CNTNAP2: variants seen among roughly 807,000 people sequenced by gnomAD.
CNTNAP2 encodes contactin associated protein 2.
A neutral mutation model predicts 155.2 loss-of-function variants in CNTNAP2; 98 were observed. That is an observed-to-expected ratio of 0.63 (90% CI 0.54 to 0.75). CNTNAP2 has a LOEUF of 0.75. CNTNAP2 is among the 30% of genes least tolerant of loss of function. The probability of loss-of-function intolerance (pLI) is 0.00; values close to 1 mark genes in which losing one functional copy is unlikely to be tolerated. For synonymous variants in CNTNAP2, 651 were observed against 631.2 expected (o/e 1.03, Z -0.47); for missense variants, 1,727 against 1,688.1 (o/e 1.02, Z -0.40).
chr7:147,896,704 TAGG>T (rs762524966), intron 13 of CNTNAP2, among the ~76,000 whole-genome samples: 3 of 152,160 alleles, frequency 2.0e-5, no homozygotes, highest in Admixed American at 1.3e-4. Flanking sequence ...GCACTGATTT[TAGG>T]AGAAGTTTAG....
intron 10 of CNTNAP2, among the ~76,000 whole-genome samples, chr7:147,450,498 C>A (rs1260768783): frequency 6.6e-6 from 1 of 152,210 alleles, no homozygotes; most frequent in East Asian, 1.9e-4. Context: ...CTCACATGGA[C>A]TCCTGACCTA....
rs557230064 is a variant in CNTNAP2 at position 146,555,762 on chromosome 7, G to A, written c.98-218509G>A. Among the ~76,000 whole-genome samples the A allele has an allele frequency of 9.2e-5, 14 of 152,302 alleles. No individual in the cohort carries two copies. The South Asian group carries it at 2.7e-3, about 29-fold the overall frequency. On this transcript the variant is annotated intron_variant, in intron 1 of 23. Transcript: ENST00000361727. Reference sequence around the variant, plus strand: ...GTTGATTGTGTGGTAGAAAAACAGAGCCTTTGGCATCAGAAGGACTGAGTA... The same window carrying A: ...GTTGATTGTGTGGTAGAAAAACAGAACCTTTGGCATCAGAAGGACTGAGTA...
chr7:147,998,239 G>A (rs1193077422), intron 15 of CNTNAP2, among the ~76,000 whole-genome samples: 1 of 149,908 alleles, frequency 6.7e-6, no homozygotes, highest in Non-Finnish European at 1.5e-5. Context: ...AGCCTCTCGA[G>A]TAGCTGGGAT....
chr7:146,209,968 G>GA (rs1298831571), intron 1 of CNTNAP2, among the ~76,000 whole-genome samples: 1 of 152,054 alleles, frequency 6.6e-6, no homozygotes, highest in African/African-American at 2.4e-5. Context: ...ACTGTACAGG[G>GA]CCTGGCTGCT....
intron 21 of CNTNAP2, among the ~76,000 whole-genome samples, chr7:148,364,603 G>A (rs1367875345): frequency 2.6e-5 from 4 of 152,170 alleles, no homozygotes; most frequent in African/African-American, 9.7e-5. Flanking sequence ...CTGCTCTGGT[G>A]GGGCCTTGGA....
At chr7:148,285,520 G>C (rs1023160422) in intron 21 of CNTNAP2, among the ~76,000 whole-genome samples, 1 of 152,230 alleles carries the variant, frequency 6.6e-6, no homozygotes, top group Non-Finnish European at 1.5e-5. Flanking sequence ...TAACTAGACA[G>C]GTACTATGGA....
chr7:148,210,474 G>C (rs1056248269), intron 18 of CNTNAP2, among the ~76,000 whole-genome samples: 1 of 152,210 alleles, frequency 6.6e-6, no homozygotes, highest in African/African-American at 2.4e-5. Context: ...CAGTGGTGCT[G>C]CTCTTAAATT....
chr7:147,764,408 T>G (rs935768483), intron 13 of CNTNAP2, among the ~76,000 whole-genome samples: 4 of 152,226 alleles, frequency 2.6e-5, no homozygotes, highest in African/African-American at 4.8e-5. Context: ...ATACCTAATT[T>G]CACTCTTGAG....
intron 3 of CNTNAP2, among the ~76,000 whole-genome samples, chr7:147,026,991 A>G (rs1272535022): frequency 6.7e-6 from 1 of 149,148 alleles, no homozygotes; most frequent in Non-Finnish European, 1.5e-5. Context: ...GAAAAACAAA[A>G]CAAAACAGAA....
intron 15 of CNTNAP2, among the ~76,000 whole-genome samples, chr7:148,001,001 G>GC (rs1304047946): frequency 6.6e-5 from 10 of 152,156 alleles, no homozygotes; most frequent in African/African-American, 2.2e-4. Context: ...TCTCCACAAG[G>GC]ATTTCATTGT....
chr7:148,157,623 T>G (rs763594293), intron 17 of CNTNAP2, among the ~76,000 whole-genome samples: 124 of 148,220 alleles, frequency 8.4e-4, no homozygotes, highest in Non-Finnish European at 1.1e-3. Context: ...GAAGACAGCA[T>G]TTCAAATCAG....
intron 15 of CNTNAP2, among the ~76,000 whole-genome samples, chr7:147,985,202 C>T (rs760530993): frequency 2.0e-5 from 3 of 151,562 alleles, no homozygotes; most frequent in Non-Finnish European, 4.4e-5. Flanking sequence ...TCTGGTAATC[C>T]CCTCAACAGA....
At chr7:147,933,051 G>T (rs1386554096) in intron 14 of CNTNAP2, among the ~76,000 whole-genome samples, 1 of 101,998 alleles carries the variant, frequency 9.8e-6, no homozygotes, top group Admixed American at 1.1e-4. Flanking sequence ...GTTTTTATTT[G>T]AGGGGGTTTG....
intron 1 of CNTNAP2, among the ~76,000 whole-genome samples, chr7:146,252,174 G>T (rs955594562): frequency 1.3e-5 from 2 of 152,148 alleles, no homozygotes; most frequent in African/African-American, 4.8e-5. Context: ...TGTCATGGCT[G>T]CTCATATTCA....
chr7:146,728,972 G>A lies in CNTNAP2; in HGVS notation c.98-45299G>A, dbSNP rs59272587. 9.2e-3 allele frequency among the ~76,000 whole-genome samples: 1,405 copies of A among 152,278 alleles called. 25 individuals are homozygous for A. Among genetic ancestry groups the A allele is most frequent in the African/African-American group, 0.032 (1,339 of 41,548 alleles). ...TGTTCAGAAAAAACTCTGAGAGGTGGCTACTTGATATTTTAAACTTGACCA... is the reference window on the plus strand; with the variant it reads ...TGTTCAGAAAAAACTCTGAGAGGTGACTACTTGATATTTTAAACTTGACCA... On this transcript the variant is annotated intron_variant, in intron 1 of 23. Coordinates refer to ENST00000361727, the MANE Select transcript of CNTNAP2 (RefSeq NM_014141.6).
Position 147,314,767 on chromosome 7 carries a change from A to G in CNTNAP2, c.1498+14477A>G, listed in dbSNP as rs771151924. On this transcript the variant is annotated intron_variant, in intron 9 of 23. Coordinates refer to ENST00000361727, the MANE Select transcript of CNTNAP2 (RefSeq NM_014141.6). ...TTTTAGGTTTAATATTTAAAATAAA[A>G]GAATATTTGAAGGGCAGAAAATACA... Among the ~76,000 whole-genome samples, 37 of 151,468 alleles carry G rather than the reference A, an allele frequency of 2.4e-4. 1 individual carries two copies. Among genetic ancestry groups the G allele is most frequent in the Middle Eastern group, 6.8e-3 (2 of 294 alleles).
chr7:148,317,923 C>T (rs1260256019), intron 21 of CNTNAP2, among the ~76,000 whole-genome samples: 4 of 151,968 alleles, frequency 2.6e-5, no homozygotes, highest in Non-Finnish European at 4.4e-5. Flanking sequence ...CCTCGTGATC[C>T]GCCTAACTCG....
intron 1 of CNTNAP2, among the ~76,000 whole-genome samples, chr7:146,149,619 T>A (rs1024070404): frequency 6.6e-6 from 1 of 151,940 alleles, no homozygotes; most frequent in Admixed American, 6.6e-5. Context: ...CAATTGATCT[T>A]CCAAAAAGGC....
chr7:146,437,097 G>A (rs1242343677), intron 1 of CNTNAP2, among the ~76,000 whole-genome samples: 4 of 151,404 alleles, frequency 2.6e-5, no homozygotes, highest in African/African-American at 9.8e-5. Context: ...TTTAGATAGC[G>A]TTGGCGTTAG....
Sources: allele counts gnomAD v4.1 joint callset (sites outside exome capture counted in the v4.1 genomes callset), GRCh38; gene constraint gnomAD v4.1.1; transcripts MANE v1.5; gene names NCBI Gene and HGNC (gene_info 2026-07-23, HGNC 2026-07-21).